The following MCPH1 variants were observed in gnomAD, a reference collection of about 807,000 sequenced individuals.
The protein encoded by MCPH1 is microcephalin 1, also known as microcephalin.
MCPH1 carries 104 observed loss-of-function variants against 84.5 expected under a neutral mutation model. The observed-to-expected ratio is 1.23, with a 90% CI of 1.05 to 1.45. MCPH1 has a LOEUF of 1.45. Ranked by LOEUF, MCPH1 falls within the 40% of genes most tolerant of loss-of-function variation. MCPH1 has a pLI of 0.00. For synonymous variants in MCPH1, 514 were observed against 366.8 expected, an observed-to-expected ratio of 1.40 and a Z score of -4.58; for missense variants, 1,498 against 1,005.7, an observed-to-expected ratio of 1.49 and a Z score of -6.62.
At chr8:6,488,143 C>T (rs759692129) in intron 11 of MCPH1, among the ~76,000 whole-genome samples, 8 of 152,244 alleles carry the variant, frequency 5.3e-5, no homozygotes, top group Non-Finnish European at 5.9e-5. Flanking sequence ...GCGGAGGCTC[C>T]TGCAGGCTGC....
At chr8:6,586,524 C>T (rs936401147) in intron 12 of MCPH1, among the ~76,000 whole-genome samples, 11 of 152,156 alleles carry the variant, frequency 7.2e-5, no homozygotes, top group Non-Finnish European at 1.6e-4. Flanking sequence ...AGGAGACCGC[C>T]CTTCTTTCAG....
intron 12 of MCPH1, among the ~76,000 whole-genome samples, chr8:6,518,907 A>T (rs1358355215): frequency 2.0e-5 from 3 of 152,084 alleles, no homozygotes; most frequent in Non-Finnish European, 4.4e-5. Flanking sequence ...TATTCTCCGG[A>T]AGGGTTTTTT....
chr8:6,425,234 G>T (rs954489306), intron 3 of MCPH1, among the ~76,000 whole-genome samples: 2 of 152,192 alleles, frequency 1.3e-5, no homozygotes, highest in African/African-American at 4.8e-5. Context: ...GCAGCAGCAG[G>T]TCAAATAGTT....
At chr8:6,510,777 A>C (rs961981858) in intron 12 of MCPH1, among the ~76,000 whole-genome samples, 1 of 152,214 alleles carries the variant, frequency 6.6e-6, no homozygotes, top group East Asian at 1.9e-4. Context: ...GGGTAGGGCC[A>C]TGTGATGTGG....
chr8:6,413,787 CTGTGT>C (rs1798866211), intron 2 of MCPH1, among the ~76,000 whole-genome samples: 1 of 148,708 alleles, frequency 6.7e-6, no homozygotes, highest in Non-Finnish European at 1.5e-5. Flanking sequence ...TGGAGTCTTG[CTGTGT>C]TACCCAGGCT....
intron 9 of MCPH1, chr8:6,474,022 C>G: frequency 1.2e-6 from 1 of 837,792 alleles, no homozygotes; most frequent in Non-Finnish European, 2.0e-6. Flanking sequence ...TTAGTTTCTT[C>G]TCATTATAAC....
chr8:6,419,142 C>G (rs535929658), intron 3 of MCPH1, among the ~76,000 whole-genome samples: 6 of 117,590 alleles, frequency 5.1e-5, no homozygotes, highest in African/African-American at 2.0e-4. Flanking sequence ...CACACACACA[C>G]ACACACACAG....
rs180789632 is a variant in MCPH1, at chr8:6,468,695, C to A, written c.1936-8899C>A. On this transcript the variant is annotated intron_variant, in intron 9 of 13. Coordinates refer to ENST00000344683, the MANE Select transcript of MCPH1 (RefSeq NM_024596.5). ...AATTAGAAAAAATATTTATCCAAGA[C>A]AGTAAGTATTGAAAACTGATACTGG... Among the ~76,000 whole-genome samples the A allele has an allele frequency of 2.6e-3, 386 of 145,990 alleles. 1 individual carries two copies. Among genetic ancestry groups the A allele is most frequent in the African/African-American group, 7.9e-3 (310 of 39,198 alleles).
At chr8:6,593,400 G>C (rs551646772) in intron 12 of MCPH1, among the ~76,000 whole-genome samples, 1 of 149,308 alleles carries the variant, frequency 6.7e-6, no homozygotes, top group Non-Finnish European at 1.5e-5. Context: ...TATGATTAAG[G>C]CTGCAGTGCA....
rs1817311561 is a variant in MCPH1 at position 6,521,423 on chromosome 8, A to G, written c.2214+21494A>G. The G allele has an allele frequency of 4.4e-6, 7 of 1,576,172 alleles. No individual in the cohort carries two copies. The East Asian group carries it at 1.3e-4, about 30-fold the overall frequency. On this transcript the variant is annotated intron_variant, in intron 12 of 13. Coordinates refer to ENST00000344683, the MANE Select transcript of MCPH1 (RefSeq NM_024596.5). ...CTTTTCTAGGAAACTTGTAAGGAAA[A>G]GAATTGTTAGTTAGTGAAGGCTATT... is the stretch of plus-strand genomic sequence containing the variant.
intron 12 of MCPH1, among the ~76,000 whole-genome samples, chr8:6,586,414 C>T (rs1260842162): frequency 6.6e-6 from 1 of 152,224 alleles, no homozygotes; most frequent in Non-Finnish European, 1.5e-5. Context: ...CGCGCTCTGT[C>T]CTCCAGCCTC....
Position 6,520,128 on chromosome 8 carries a change from A to G in MCPH1, c.2214+20199A>G, listed in dbSNP as rs1022147371. On this transcript the variant is annotated intron_variant, in intron 12 of 13. Transcript: ENST00000344683. ...AGCAAAAGGCTGTACCACTTTTTTA[A>G]CCTTTCTAGAAAGTTTCCTTTCAGC... is the stretch of plus-strand genomic sequence containing the variant. 3 of 942,436 alleles carry G rather than the reference A, an allele frequency of 3.2e-6. No homozygotes were observed. The Admixed American group carries it at 8.8e-5, about 28-fold the overall frequency. The allele number at this position is 942,436 out of a possible 1,614,324, so 58.4% of individuals were successfully genotyped here. A position where few individuals can be genotyped will look rare whatever the true frequency, so the allele number is the denominator to read the frequency against.
chr8:6,503,202 G>C lies in MCPH1; in HGVS notation c.2214+3273G>C, dbSNP rs771314018. The C allele has an allele frequency of 3.1e-6, 5 of 1,614,130 alleles. No homozygotes were observed. In the South Asian group the frequency reaches 4.4e-5, roughly 14 times the overall value. On this transcript the variant is annotated intron_variant, in intron 12 of 13. Coordinates refer to ENST00000344683, the MANE Select transcript of MCPH1 (RefSeq NM_024596.5). Reference sequence around the variant, plus strand: ...ATGCCGTTGAACTTATTTGTGTTCTGCCTCTGTGGATAGTACATTCCGTTC... The same window carrying C: ...ATGCCGTTGAACTTATTTGTGTTCTCCCTCTGTGGATAGTACATTCCGTTC...
intron 12 of MCPH1, among the ~76,000 whole-genome samples, chr8:6,555,563 A>G (rs1371364494): frequency 6.6e-6 from 1 of 151,572 alleles, no homozygotes; most frequent in Non-Finnish European, 1.5e-5. Context: ...CTGGGTTCAA[A>G]TGATCCACCC....
At chr8:6,524,026 T>C (rs1218628212) in intron 12 of MCPH1, among the ~76,000 whole-genome samples, 3 of 152,214 alleles carry the variant, frequency 2.0e-5, no homozygotes, top group Non-Finnish European at 4.4e-5. Context: ...TTCATTTTGT[T>C]TGTACAAGGC....
chr8:6,612,371 C>T (rs1830358325), intron 12 of MCPH1, among the ~76,000 whole-genome samples: 1 of 152,190 alleles, frequency 6.6e-6, no homozygotes, highest in Non-Finnish European at 1.5e-5. Context: ...AACTCTTCTG[C>T]CCCAGCTGGA....
At chr8:6,476,377 C>T (rs1484515926) in intron 9 of MCPH1, among the ~76,000 whole-genome samples, 2 of 145,006 alleles carry the variant, frequency 1.4e-5, no homozygotes, top group African/African-American at 2.6e-5. Flanking sequence ...TGCAGTGAGC[C>T]GAGATTGCAC....
intron 4 of MCPH1, among the ~76,000 whole-genome samples, chr8:6,434,790 G>T (rs1802400629): frequency 1.3e-5 from 2 of 152,184 alleles, no homozygotes; most frequent in South Asian, 4.1e-4. Context: ...GCAAATTTGG[G>T]CTGGTAGCTT....
At chr8:6,626,121 T>C in intron 13 of MCPH1, 1 of 985,278 alleles carries the variant, frequency 1.0e-6, no homozygotes. Flanking sequence ...AAATTGTTAG[T>C]GATTATTTTA....
Sources: allele counts gnomAD v4.1 joint callset (sites outside exome capture counted in the v4.1 genomes callset), GRCh38; gene constraint gnomAD v4.1.1; transcripts MANE v1.5; gene names NCBI Gene and HGNC (gene_info 2026-07-23, HGNC 2026-07-21).